RARB: variants seen among roughly 807,000 people sequenced by gnomAD.
RARB encodes retinoic acid receptor beta, also known as HBV-activated protein.
A neutral mutation model predicts 51.9 loss-of-function variants in RARB; 17 were observed. The ratio of observed to expected loss-of-function variants is 0.33; its 90% CI spans 0.22 to 0.49. RARB has a LOEUF of 0.49. Ranked by LOEUF, RARB falls within the 20% of genes least tolerant of loss-of-function variation. The pLI is 0.99. For missense variants in RARB, 369 were observed against 550.8 expected (o/e 0.67, Z 3.30); for synonymous variants, 215 against 195.4 (o/e 1.10, Z -0.84).
chr3:25,233,276 C>G (rs896970829), intron 5 of RARB, among the ~76,000 whole-genome samples: 5 of 152,084 alleles, frequency 3.3e-5, no homozygotes, highest in Non-Finnish European at 7.4e-5. Context: ...GCATTTTTAA[C>G]TTGATGATAT....
At chr3:25,306,461 G>A (rs375219485) in intron 5 of RARB, among the ~76,000 whole-genome samples, 5 of 151,038 alleles carry the variant, frequency 3.3e-5, no homozygotes, top group East Asian at 1.9e-4. Context: ...CTTATAATAC[G>A]GCAGCTTGTT....
intron 2 of RARB, among the ~76,000 whole-genome samples, chr3:24,942,945 G>C (rs1695699626): frequency 6.6e-6 from 1 of 152,070 alleles, no homozygotes; most frequent in Admixed American, 6.5e-5. Context: ...GAGAACCAAG[G>C]TAGATTTGGG....
At chr3:25,277,971 T>A (rs1454867309) in intron 5 of RARB, among the ~76,000 whole-genome samples, 2 of 152,234 alleles carry the variant, frequency 1.3e-5, no homozygotes, top group Non-Finnish European at 2.9e-5. Context: ...ATTTTCTCTC[T>A]TGTGTCTTCT....
intron 5 of RARB, among the ~76,000 whole-genome samples, chr3:25,244,400 T>C (rs1406722644): frequency 2.0e-5 from 3 of 152,098 alleles, no homozygotes; most frequent in Non-Finnish European, 4.4e-5. Context: ...TTAATTGTGA[T>C]GTTAGGGTGT....
chr3:25,136,146 A>G (rs1700029171), intron 4 of RARB, among the ~76,000 whole-genome samples: 1 of 151,964 alleles, frequency 6.6e-6, no homozygotes, highest in African/African-American at 2.4e-5. Flanking sequence ...TTATTGGTCC[A>G]TTGATCCCTC....
At chr3:25,178,067 G>A (rs1198329366) in intron 5 of RARB, among the ~76,000 whole-genome samples, 1 of 152,024 alleles carries the variant, frequency 6.6e-6, no homozygotes, top group Non-Finnish European at 1.5e-5. Flanking sequence ...CTTTTGCAGT[G>A]TGGAATAATT....
At chr3:25,117,035 A>ATT (rs1699699739) in intron 3 of RARB, among the ~76,000 whole-genome samples, 1 of 152,188 alleles carries the variant, frequency 6.6e-6, no homozygotes, top group Non-Finnish European at 1.5e-5. Context: ...GCCAGAAATC[A>ATT]TCCTTTCTGA....
At chr3:25,561,679 A>C (rs1700277264) in intron 3 of RARB, among the ~76,000 whole-genome samples, 1 of 152,078 alleles carries the variant, frequency 6.6e-6, no homozygotes, top group South Asian at 2.1e-4. Context: ...TTTACATAAC[A>C]TTTTAAGAGG....
At chr3:25,330,668 A>G (rs1181699241) in intron 5 of RARB, among the ~76,000 whole-genome samples, 1 of 152,130 alleles carries the variant, frequency 6.6e-6, no homozygotes, top group Admixed American at 6.5e-5. Flanking sequence ...TAACAATACT[A>G]ACCTTAAATG....
chr3:25,134,747 G>T (rs937794939), intron 4 of RARB, among the ~76,000 whole-genome samples: 3 of 151,984 alleles, frequency 2.0e-5, no homozygotes, highest in Non-Finnish European at 2.9e-5. Context: ...TTCAAACAGG[G>T]TTTATGCTCT....
intron 3 of RARB, among the ~76,000 whole-genome samples, chr3:25,542,680 C>T (rs995310830): frequency 1.6e-4 from 24 of 152,336 alleles, no homozygotes; most frequent in African/African-American, 5.8e-4. Flanking sequence ...AAGTCATCAT[C>T]CCTTTGCCCT....
chr3:25,456,676 T>TAGAGAG (rs1300602454), intron 1 of RARB, among the ~76,000 whole-genome samples: 12 of 113,800 alleles, frequency 1.1e-4, no homozygotes, highest in South Asian at 3.1e-4. Context: ...TATATATATA[T>TAGAGAG]ATATATAGAG....
chr3:25,267,927 G>T (rs1016293619), intron 5 of RARB, among the ~76,000 whole-genome samples: 12 of 152,248 alleles, frequency 7.9e-5, no homozygotes, highest in African/African-American at 2.9e-4. Flanking sequence ...AAATGTGTAC[G>T]CATAATGTTG....
At chr3:25,022,252 C>T (rs570814762) in intron 2 of RARB, among the ~76,000 whole-genome samples, 1 of 152,290 alleles carries the variant, frequency 6.6e-6, no homozygotes, top group South Asian at 2.1e-4. Flanking sequence ...CTTGTCATTA[C>T]TCACCCTAAG....
At chr3:24,879,240 T>G (rs888279232) in intron 2 of RARB, among the ~76,000 whole-genome samples, 1 of 151,274 alleles carries the variant, frequency 6.6e-6, no homozygotes, top group Non-Finnish European at 1.5e-5. Flanking sequence ...CCATCCTGGC[T>G]AACACAGTGA....
chr3:24,913,074 A>G (rs1179306220), intron 2 of RARB, among the ~76,000 whole-genome samples: 3 of 138,572 alleles, frequency 2.2e-5, no homozygotes, highest in Non-Finnish European at 4.5e-5. Context: ...TCCGCCTCCC[A>G]GGTTCATGCC....
intron 5 of RARB, among the ~76,000 whole-genome samples, chr3:25,195,136 T>C (rs969360556): frequency 6.6e-5 from 10 of 152,180 alleles, no homozygotes; most frequent in Admixed American, 2.6e-4. Flanking sequence ...ATCATACTGC[T>C]GAAATCCCAT....
At chr3:24,868,130 T>C (rs1702884302) in intron 2 of RARB, among the ~76,000 whole-genome samples, 1 of 152,186 alleles carries the variant, frequency 6.6e-6, no homozygotes, top group Admixed American at 6.5e-5. Context: ...TAGCACTTAC[T>C]CTTCAATCTT....
intron 2 of RARB, among the ~76,000 whole-genome samples, chr3:25,007,392 G>A (rs1247128485): frequency 3.3e-5 from 5 of 151,906 alleles, no homozygotes; most frequent in East Asian, 1.9e-4. Context: ...TTAGGAGGCC[G>A]AGGTGGGTGG....
Sources: allele counts gnomAD v4.1 joint callset (sites outside exome capture counted in the v4.1 genomes callset), GRCh38; gene constraint gnomAD v4.1.1; transcripts MANE v1.5; gene names NCBI Gene and HGNC (gene_info 2026-07-23, HGNC 2026-07-21).